POLH: variants seen among roughly 807,000 people sequenced by gnomAD.
POLH encodes DNA polymerase eta transcript.
Under a neutral mutation model 73.6 loss-of-function variants are expected in POLH, and 53 were observed. The observed-to-expected ratio is 0.72, with a 90% CI of 0.58 to 0.91. The LOEUF (loss-of-function observed/expected upper bound fraction) is 0.91. Among genes scored for constraint, POLH ranks in the 40% least tolerant of loss-of-function variants. The pLI is 0.00. For synonymous variants in POLH, 292 were observed against 308.5 expected (o/e 0.95, Z 0.56); for missense variants, 768 against 865.4 (o/e 0.89, Z 1.41).
rs6912884 is a variant in POLH at position 43,604,408 on chromosome 6, A to G, written c.885-207A>G. ...AATGATGACTTGGCTTTAGAAGACA[A>G]AACCAGTGTTCTCATTGTCCATATA... On this transcript the variant is annotated intron_variant, in intron 7 of 10. Transcript: ENST00000372236. Among the ~76,000 whole-genome samples, 5,003 of 152,300 alleles carry G rather than the reference A, an allele frequency of 0.033. 266 individuals are homozygous for G. Among genetic ancestry groups the G allele is most frequent in the African/African-American group, 0.11 (4,628 of 41,554 alleles).
In POLH at chr6:43,583,153, A is replaced by G. The variant is rs1428792539; in HGVS notation, c.272+12A>G. 1.2e-6 allele frequency: 2 copies of G among 1,613,270 alleles called. No homozygotes were observed. Among genetic ancestry groups the G allele is most frequent in the South Asian group, 1.1e-5 (1 of 91,054 alleles). On this transcript the variant is annotated intron_variant, in intron 3 of 10. Transcript: ENST00000372236. ...GCTAACCTCACCAAGTAAGAAAAAA[A>G]CATTATTTAAGGAGACATAAAGGAG...
chr6:43,614,611 T>A lies in POLH; in HGVS notation c.*54T>A. The A allele has an allele frequency of 1.4e-6, 2 of 1,389,438 alleles. No individual in the cohort carries two copies. The highest frequency in any genetic ancestry group is 2.5e-5 in the South Asian group (2 of 81,444). 86.1% of individuals were successfully genotyped at this position (1,389,438 alleles called of 1,614,324 possible). On this transcript the variant is annotated 3_prime_UTR_variant, in exon 11 of 11. Transcript: ENST00000372236. ...TAATATTTTTTATCTTTACAGATCT[T>A]TATCTTTAATATTTTATCTTTACAG...
At position 43,593,282 on chromosome 6, in the gene POLH, C is replaced by T. The variant is rs527804492; in HGVS notation, c.491-4414C>T. Among the ~76,000 whole-genome samples, 16 of 152,206 alleles carry T rather than the reference C, an allele frequency of 1.1e-4. No homozygotes were observed. In the East Asian group the frequency reaches 2.1e-3, roughly 20 times the overall value. ...TAGTGCTCAATTCTCCCCAAATTGACGTATAGATTCATTGCAGTCCCTTCC... is the reference window on the plus strand; with the variant it reads ...TAGTGCTCAATTCTCCCCAAATTGATGTATAGATTCATTGCAGTCCCTTCC... On this transcript the variant is annotated intron_variant, in intron 4 of 10. Coordinates refer to ENST00000372236, the MANE Select transcript of POLH (RefSeq NM_006502.3).
In POLH at chr6:43,604,551, T is replaced by C. The variant is rs923658862; in HGVS notation, c.885-64T>C. The C allele has an allele frequency of 6.5e-6, 10 of 1,536,408 alleles. No individual in the cohort carries two copies. The African/African-American group carries it at 9.5e-5, about 15-fold the overall frequency. On this transcript the variant is annotated intron_variant, in intron 7 of 10. Coordinates refer to ENST00000372236, the MANE Select transcript of POLH (RefSeq NM_006502.3). Reference sequence around the variant, plus strand: ...AAAAGGGCAATATAATATAGTTATTTGGTTTTGTTTTAACAAGAATAATCA... The same window carrying C: ...AAAAGGGCAATATAATATAGTTATTCGGTTTTGTTTTAACAAGAATAATCA...
intron 6 of POLH, 101 bp from the exon 7 acceptor site, chr6:43,603,791 A>G (rs765241470): frequency 2.5e-5 from 29 of 1,169,128 alleles, no homozygotes; most frequent in Non-Finnish European, 3.6e-5. Context: ...ATTTGTCCTG[A>G]ACCTTTTGGA....
intron 9 of POLH, 124 bp downstream of exon 9, chr6:43,605,443 C>CTTTTTTTTTTTT (rs540143863): frequency 1.1e-4 from 34 of 296,226 alleles, no homozygotes; most frequent in East Asian, 3.4e-4. Context: ...CGTTTTCTTT[C>CTTTTTTTTTTTT]TTTTTTTTTT....
Position 43,617,652 on chromosome 6 carries a change from G to A in POLH, c.*3095G>A, listed in dbSNP as rs1319475426. On this transcript the variant is annotated 3_prime_UTR_variant, in exon 11 of 11. Transcript: ENST00000372236. Reference sequence around the variant, plus strand: ...AAAAAAAAAATTCCCAATGTGGGCCGGGTGCAGTGGCTCATGCCTGTAATC... The same window carrying A: ...AAAAAAAAAATTCCCAATGTGGGCCAGGTGCAGTGGCTCATGCCTGTAATC... Among the ~76,000 whole-genome samples the A allele has an allele frequency of 6.6e-6, 1 of 150,942 alleles. No homozygotes were observed. The highest frequency in any genetic ancestry group is 1.5e-5 in the Non-Finnish European group (1 of 67,746).
Position 43,614,298 on chromosome 6 carries a change from C to A in POLH, c.1883C>A (p.Ala628Asp). ...GCAACCCCAAATCCAAGTCTTCTAG[C>A]TGCTGAGGACCAAGTGCCCTGTGAG... ...QKATPNPSLLAAEDQVPCEKC... is the reference protein window; with the variant it reads ...QKATPNPSLLDAEDQVPCEKC... Residue 628 changes from alanine to aspartate, a missense_variant, in exon 11 of 11, where the codon GCT becomes GAT. Physicochemically the swap from Ala to Asp is moderately radical, Grantham distance 126. Coordinates refer to ENST00000372236, the MANE Select transcript of POLH (RefSeq NM_006502.3). 1 of 1,599,002 alleles carries A rather than the reference C, an allele frequency of 6.3e-7. No individual in the cohort carries two copies.
chr6:43,616,119 T>TA lies in POLH; in HGVS notation c.*1563dup, dbSNP rs201071335. 0.02 allele frequency among the ~76,000 whole-genome samples: 3,052 copies of TA among 150,298 alleles called. 49 individuals are homozygous for TA. Among genetic ancestry groups the TA allele is most frequent in the Admixed American group, 0.053 (806 of 15,184 alleles). On this transcript the variant is annotated 3_prime_UTR_variant, in exon 11 of 11. Coordinates refer to ENST00000372236, the MANE Select transcript of POLH (RefSeq NM_006502.3). The stretch of plus-strand genomic sequence containing the variant: ...GTGAAACCCCGTCTCTACTAAAAAA[T>TA]ACAAAAAAAAATTAGCCGGGTGCGG...
At position 43,585,230 on chromosome 6, in the gene POLH, G is replaced by A. The variant is rs1344350471; in HGVS notation, c.273-2042G>A. Among the ~76,000 whole-genome samples, 17 of 152,218 alleles carry A rather than the reference G, an allele frequency of 1.1e-4. 1 individual carries two copies. The East Asian group carries it at 3.1e-3, about 28-fold the overall frequency. On this transcript the variant is annotated intron_variant, in intron 3 of 10. Coordinates refer to ENST00000372236, the MANE Select transcript of POLH (RefSeq NM_006502.3). ...GTGCGGAGCTTTCATGCCCTCCCTG[G>A]GTGAGCCACCCTCCAGGAATCTCTA...
intron 7 of POLH, 48 bp from the exon 8 acceptor site, chr6:43,604,567 A>G (rs1767068029): frequency 6.3e-7 from 1 of 1,597,148 alleles, no homozygotes; most frequent in East Asian, 2.2e-5. Context: ...TGTTTTAACA[A>G]GAATAATCAT....
chr6:43,590,069 G>A (rs1408066257), intron 4 of POLH, among the ~76,000 whole-genome samples: 8 of 151,752 alleles, frequency 5.3e-5, no homozygotes, highest in Admixed American at 2.6e-4. Context: ...ATAAAAACTT[G>A]CTTTTGTGGC....
intron 5 of POLH, 27 bp from the exon 6 acceptor site, chr6:43,600,961 A>T (rs1489492961): frequency 7.0e-7 from 1 of 1,433,758 alleles, no homozygotes; most frequent in African/African-American, 1.4e-5. Context: ...GACAGTAATG[A>T]GGTTTTTATA....
At chr6:43,589,889 T>C (rs1765247064) in intron 4 of POLH, among the ~76,000 whole-genome samples, 1 of 152,134 alleles carries the variant, frequency 6.6e-6, no homozygotes, top group South Asian at 2.1e-4. Flanking sequence ...ATTTTTTTCA[T>C]TTTCTACTTG....
intron 9 of POLH, among the ~76,000 whole-genome samples, chr6:43,605,723 A>G (rs1163824892): frequency 2.0e-5 from 3 of 150,134 alleles, no homozygotes; most frequent in Non-Finnish European, 4.4e-5. Context: ...TAATTTTTTA[A>G]TTTTTTTTTG....
rs775891560 is a variant in POLH, at chr6:43,582,989, T to G, written c.138-18T>G. The G allele has an allele frequency of 6.3e-7, 1 of 1,598,404 alleles. No individual in the cohort carries two copies. The highest frequency in any genetic ancestry group is 1.3e-5 in the African/African-American group (1 of 74,728). Reference sequence around the variant, plus strand: ...ATCATATAATATGTTTTCTGTTTCCTTTTTTTTCTAACCTTAGAATAATTG... The same window carrying G: ...ATCATATAATATGTTTTCTGTTTCCGTTTTTTTCTAACCTTAGAATAATTG... On this transcript the variant is annotated intron_variant, in intron 2 of 10. Transcript: ENST00000372236.
chr6:43,600,170 A>AG (rs1237645325), intron 5 of POLH, among the ~76,000 whole-genome samples: 3 of 152,092 alleles, frequency 2.0e-5, no homozygotes, highest in Non-Finnish European at 2.9e-5. Flanking sequence ...AAAAAAAAAA[A>AG]AGAAAAAGAG....
At position 43,587,371 on chromosome 6, in the gene POLH, T is replaced by C; in HGVS notation, c.372T>C (p.Ala124=). Residue 124 remains alanine (A), a synonymous_variant, in exon 4 of 11, where the codon GCT becomes GCC. Transcript: ENST00000372236. ...IDEAYVDLTS[A]VQERLQKLQG... ...AGGCTTACGTAGATCTGACCAGTGC[T>C]GTACAAGAGAGACTACAAAAGCTAC... is the stretch of plus-strand genomic sequence containing the variant. 6.2e-7 allele frequency: 1 copy of C among 1,614,106 alleles called. No homozygotes were observed. Among genetic ancestry groups the C allele is most frequent in the Non-Finnish European group, 8.5e-7 (1 of 1,179,928 alleles).
Position 43,614,312 on chromosome 6 carries a change from G to C in POLH, c.1897G>C (p.Val633Leu). The C allele has an allele frequency of 6.2e-7, 1 of 1,603,038 alleles. No individual in the cohort carries two copies. Among genetic ancestry groups the C allele is most frequent in the Non-Finnish European group, 8.5e-7 (1 of 1,172,552 alleles). ...NPSLLAAEDQ[V>L]PCEKCGSLVP... ...AAGTCTTCTAGCTGCTGAGGACCAA[G>C]TGCCCTGTGAGAAGTGTGGCTCCCT... is the stretch of plus-strand genomic sequence containing the variant. The change falls in exon 11 of 11, where the codon GTG becomes CTG. Residue 633 changes from valine (V) to leucine (L), a missense_variant. By Grantham distance (32) the Val-to-Leu change is conservative. Transcript: ENST00000372236.
Sources: allele counts gnomAD v4.1 joint callset (sites outside exome capture counted in the v4.1 genomes callset), GRCh38; gene constraint gnomAD v4.1.1; transcripts MANE v1.5; gene names NCBI Gene and HGNC (gene_info 2026-07-23, HGNC 2026-07-21).